THBS4: variants seen among roughly 807,000 people sequenced by gnomAD.
THBS4 encodes the protein thrombospondin-4.
A neutral mutation model predicts 115.7 loss-of-function variants in THBS4; 90 were observed. That is an observed-to-expected ratio of 0.78 (90% CI 0.66 to 0.93). The LOEUF (loss-of-function observed/expected upper bound fraction) is 0.93, where lower values mean the gene tolerates loss of function less well. THBS4 is among the 40% of genes least tolerant of loss of function. The probability of loss-of-function intolerance (pLI) is 0.00; values close to 1 mark genes in which losing one functional copy is unlikely to be tolerated. For synonymous variants in THBS4, 460 were observed against 479.3 expected, an observed-to-expected ratio of 0.96 and a Z score of 0.53; for missense variants, 1,087 against 1,232.7, an observed-to-expected ratio of 0.88 and a Z score of 1.77.
intron 2 of THBS4, among the ~76,000 whole-genome samples, chr5:80,021,496 C>CTG (rs536127071): frequency 6.6e-6 from 1 of 151,940 alleles, no homozygotes; most frequent in Non-Finnish European, 1.5e-5. Context: ...AGTAGTGACT[C>CTG]TAAGAGCACT....
chr5:80,050,984 A>G (rs560917202), intron 2 of THBS4, among the ~76,000 whole-genome samples: 5 of 152,304 alleles, frequency 3.3e-5, no homozygotes, highest in African/African-American at 1.2e-4. Context: ...TTCCAGCCTC[A>G]GGGGCCTGGC....
intron 2 of THBS4, among the ~76,000 whole-genome samples, chr5:80,043,859 T>C (rs946481880): frequency 2.0e-5 from 3 of 152,178 alleles, no homozygotes; most frequent in Non-Finnish European, 2.9e-5. Flanking sequence ...AATTGAATAA[T>C]GTACCCATGT....
chr5:80,042,645 C>T (rs1443100503), intron 2 of THBS4, among the ~76,000 whole-genome samples: 3 of 152,140 alleles, frequency 2.0e-5, no homozygotes, highest in African/African-American at 7.2e-5. Flanking sequence ...TATGTTTCCT[C>T]TGAAGAATCA....
At chr5:80,070,459 A>G in intron 11 of THBS4, 49 bp downstream of exon 11, 1 of 1,550,822 alleles carries the variant, frequency 6.4e-7, no homozygotes, top group East Asian at 2.2e-5. Context: ...TGGCTTTCCA[A>G]AGTCACATCT....
intron 1 of THBS4, among the ~76,000 whole-genome samples, chr5:80,038,716 G>C (rs1400571275): frequency 6.6e-6 from 1 of 151,942 alleles, no homozygotes; most frequent in Non-Finnish European, 1.5e-5. Flanking sequence ...TAATATTCTT[G>C]TACCTAAATC....
intron 2 of THBS4, among the ~76,000 whole-genome samples, chr5:80,023,216 C>G (rs1269503034): frequency 1.3e-5 from 2 of 152,146 alleles, no homozygotes; most frequent in Non-Finnish European, 2.9e-5. Context: ...CCTTGTTTGG[C>G]CTGAACCAGC....
intron 1 of THBS4, chr5:80,036,256 AT>A: frequency 1.0e-6 from 1 of 956,348 alleles, no homozygotes; most frequent in Non-Finnish European, 1.2e-6. Context: ...GCTGGAGGCC[AT>A]TTTCCTAAGT....
At position 80,078,195 on chromosome 5, in the gene THBS4, C is replaced by T. The variant is rs1743311827; in HGVS notation, c.2233C>T (p.Gln745Ter). Residue 745 changes from glutamine to a stop codon, truncating the protein, a stop_gained, in exon 17 of 22, where the codon CAG becomes TAG. Transcript: ENST00000350881. LOFTEE classifies it high-confidence loss of function. ...GGTCCTGGATCCTGAAGGGGATGCC[C>T]AGATCGATCCCAACTGGGTGGTCCT... ...TVVLDPEGDA[Q>*]IDPNWVVLNQ... 6.2e-7 allele frequency: 1 copy of T among 1,603,936 alleles called. No homozygotes were observed. Among genetic ancestry groups the T allele is most frequent in the Admixed American group, 1.7e-5 (1 of 59,480 alleles).
At chr5:80,069,880 A>G (rs149471241) in intron 10 of THBS4, among the ~76,000 whole-genome samples, 2 of 152,336 alleles carry the variant, frequency 1.3e-5, no homozygotes, top group African/African-American at 4.8e-5. Flanking sequence ...TTGGGTGGTG[A>G]GGCCAGGAAA....
chr5:79,997,065 A>T (rs1224170831), intron 1 of THBS4, among the ~76,000 whole-genome samples: 1 of 151,816 alleles, frequency 6.6e-6, no homozygotes. Flanking sequence ...AGTAACCCAC[A>T]AGAAAGCAAG....
At position 80,080,063 on chromosome 5, in the gene THBS4, G is replaced by T; in HGVS notation, c.2670G>T (p.Gln890His). 6.2e-7 allele frequency: 1 copy of T among 1,613,876 alleles called. No individual in the cohort carries two copies. Among genetic ancestry groups the T allele is most frequent in the Non-Finnish European group, 8.5e-7 (1 of 1,179,900 alleles). Residue 890 changes from glutamine (Q) to histidine (H), a missense_variant, in exon 20 of 22, where the codon CAG becomes CAT. Physicochemically the swap from Gln to His is conservative, Grantham distance 24 (BLOSUM62 0). Coordinates refer to ENST00000350881, the MANE Select transcript of THBS4 (RefSeq NM_003248.6). ...GCTGGTTCCTACAGCACAGGCCCCAGGTGGGCTACATCAGGTAGGTAGAGG... is the reference window on the plus strand; with the variant it reads ...GCTGGTTCCTACAGCACAGGCCCCATGTGGGCTACATCAGGTAGGTAGAGG... ...SYRWFLQHRPQVGYIRVRFYE... is the reference protein window; with the variant it reads ...SYRWFLQHRPHVGYIRVRFYE...
chr5:80,064,712 A>T (rs10042207), intron 8 of THBS4, among the ~76,000 whole-genome samples: 25,955 of 152,228 alleles, frequency 0.17, 2,512 homozygotes, highest in Middle Eastern at 0.25. Flanking sequence ...AGCCTGAGCG[A>T]CAGAGCAAGA....
chr5:80,036,241 A>G (rs1832715408), intron 1 of THBS4: 7 of 971,762 alleles, frequency 7.2e-6, no homozygotes, highest in Admixed American at 6.2e-5. Context: ...AGCAAGATGG[A>G]TGCAGCTGGA....
chr5:80,056,572 C>G (rs931025190), intron 3 of THBS4, among the ~76,000 whole-genome samples: 2 of 152,178 alleles, frequency 1.3e-5, no homozygotes, highest in African/African-American at 4.8e-5. Context: ...CTGTTTTACT[C>G]CAGGTTGATG....
At chr5:79,991,770 T>C (rs1448681409) in intron 1 of THBS4, among the ~76,000 whole-genome samples, 1 of 152,258 alleles carries the variant, frequency 6.6e-6, no homozygotes. Flanking sequence ...CCTTCAGTGC[T>C]GGTCCTTCAA....
At chr5:80,029,810 A>C (rs1193006488) in intron 2 of THBS4, among the ~76,000 whole-genome samples, 4 of 150,890 alleles carry the variant, frequency 2.7e-5, no homozygotes, top group African/African-American at 9.8e-5. Flanking sequence ...ATACAAAAAA[A>C]AAAAAAAAAA....
At chr5:80,024,456 G>A (rs1229280726) in intron 2 of THBS4, among the ~76,000 whole-genome samples, 2 of 152,148 alleles carry the variant, frequency 1.3e-5, no homozygotes, top group African/African-American at 2.4e-5. Context: ...AACCCATAAG[G>A]TAGCTATCGT....
intron 9 of THBS4, chr5:80,066,910 T>C (rs1373152149): frequency 6.6e-6 from 1 of 152,156 alleles, no homozygotes; most frequent in Non-Finnish European, 1.5e-5. Flanking sequence ...AGCGAACTGA[T>C]AGCACAGCCA....
chr5:80,016,150 C>T (rs527239277), intron 2 of THBS4, among the ~76,000 whole-genome samples: 4 of 152,314 alleles, frequency 2.6e-5, no homozygotes, highest in Admixed American at 2.6e-4. Context: ...CTCAATGACT[C>T]ACCAATTCCC....
Sources: allele counts gnomAD v4.1 joint callset (sites outside exome capture counted in the v4.1 genomes callset), GRCh38; gene constraint gnomAD v4.1.1; transcripts MANE v1.5; gene names NCBI Gene and HGNC (gene_info 2026-07-23, HGNC 2026-07-21).